The following ZBTB16 variants were observed in gnomAD, a reference collection of about 807,000 sequenced individuals.
The protein encoded by ZBTB16 is zinc finger and BTB domain-containing protein 16.
A neutral mutation model predicts 56.8 loss-of-function variants in ZBTB16; 8 were observed. The ratio of observed to expected loss-of-function variants is 0.14; its 90% CI spans 0.08 to 0.25. The LOEUF is 0.25. Ranked by LOEUF, ZBTB16 falls within the 10% of genes least tolerant of loss-of-function variation. ZBTB16 has a pLI of 1.00. For missense variants in ZBTB16, 625 were observed against 903.0 expected (o/e 0.69, Z 3.95); for synonymous variants, 363 against 368.5 (o/e 0.98, Z 0.17).
At chr11:114,104,829 C>T (rs1340580744) in intron 2 of ZBTB16, among the ~76,000 whole-genome samples, 1 of 152,162 alleles carries the variant, frequency 6.6e-6, no homozygotes, top group African/African-American at 2.4e-5. Flanking sequence ...CCAAAGAGAA[C>T]GGTGGTGTCT....
intron 3 of ZBTB16, among the ~76,000 whole-genome samples, chr11:114,182,346 G>T (rs138852344): frequency 6.6e-6 from 1 of 152,104 alleles, no homozygotes; most frequent in Non-Finnish European, 1.5e-5. Context: ...CATTGTGTCC[G>T]GCCCTCTTCA....
intron 4 of ZBTB16, among the ~76,000 whole-genome samples, chr11:114,212,599 G>A (rs1003118433): frequency 1.3e-5 from 2 of 152,244 alleles, no homozygotes; most frequent in Admixed American, 1.3e-4. Context: ...TGCGGAGTCA[G>A]GCACTGGGCT....
chr11:114,216,976 G>A (rs1172327008), intron 4 of ZBTB16, among the ~76,000 whole-genome samples: 1 of 152,198 alleles, frequency 6.6e-6, no homozygotes, highest in Non-Finnish European at 1.5e-5. Flanking sequence ...GTAGCCCAGA[G>A]GAAGGGTGCT....
intron 2 of ZBTB16, among the ~76,000 whole-genome samples, chr11:114,123,760 G>A (rs924876230): frequency 3.0e-4 from 45 of 152,094 alleles, no homozygotes; most frequent in Admixed American, 2.6e-4. Context: ...TGTTCCAAAG[G>A]AATTAAGTCA....
chr11:114,105,227 T>C (rs928884467), intron 2 of ZBTB16, among the ~76,000 whole-genome samples: 10 of 149,430 alleles, frequency 6.7e-5, no homozygotes, highest in African/African-American at 1.0e-4. Context: ...GAATTAATTC[T>C]GTCTCTCTCT....
chr11:114,215,133 G>A (rs189182967), intron 4 of ZBTB16, among the ~76,000 whole-genome samples: 1 of 152,280 alleles, frequency 6.6e-6, no homozygotes, highest in African/African-American at 2.4e-5. Context: ...CCCTTAATGA[G>A]TGCTATAAAA....
intron 2 of ZBTB16, among the ~76,000 whole-genome samples, chr11:114,102,738 T>C (rs529525404): frequency 6.5e-4 from 99 of 152,124 alleles, no homozygotes; most frequent in Non-Finnish European, 1.2e-3. Flanking sequence ...TAATTATTTA[T>C]TGGGTGCCTG....
At chr11:114,092,166 A>G (rs1204423227) in intron 2 of ZBTB16, among the ~76,000 whole-genome samples, 1 of 152,136 alleles carries the variant, frequency 6.6e-6, no homozygotes, top group Non-Finnish European at 1.5e-5. Flanking sequence ...GAAACAGGAG[A>G]CCCGAGAGGC....
chr11:114,132,018 C>T lies in ZBTB16; in HGVS notation c.1269-24319C>T, dbSNP rs570916416. Among the ~76,000 whole-genome samples, 16 of 151,716 alleles carry T rather than the reference C, an allele frequency of 1.1e-4. No homozygotes were observed. In the East Asian group the frequency reaches 1.2e-3, roughly 11 times the overall value. On this transcript the variant is annotated intron_variant, in intron 2 of 6. Coordinates refer to ENST00000335953, the MANE Select transcript of ZBTB16 (RefSeq NM_006006.6). ...AACTGGGTGTGTGTGAAAGGGGGAG[C>T]GGCGGAAGTTAGGAAGACTGAAGGA... is the stretch of plus-strand genomic sequence containing the variant.
intron 4 of ZBTB16, among the ~76,000 whole-genome samples, chr11:114,228,054 A>T (rs1209548300): frequency 6.6e-6 from 1 of 152,048 alleles, no homozygotes; most frequent in Non-Finnish European, 1.5e-5. Context: ...GGGATTCTTA[A>T]CTTTTTTGTG....
At chr11:114,223,324 G>A (rs1033950159) in intron 4 of ZBTB16, among the ~76,000 whole-genome samples, 2 of 152,148 alleles carry the variant, frequency 1.3e-5, no homozygotes, top group African/African-American at 4.8e-5. Flanking sequence ...ACAATCGCAC[G>A]TATTAAAAGA....
chr11:114,156,497 C>T (rs1020017730), intron 3 of ZBTB16, 63 bp downstream of exon 3: 20 of 1,510,860 alleles, frequency 1.3e-5, no homozygotes, highest in Non-Finnish European at 1.7e-5. Context: ...TTGCCTTTAC[C>T]CCTCCTCAGA....
At chr11:114,173,532 A>G (rs920342092) in intron 3 of ZBTB16, among the ~76,000 whole-genome samples, 1 of 152,202 alleles carries the variant, frequency 6.6e-6, no homozygotes, top group African/African-American at 2.4e-5. Context: ...ACAACTCTGG[A>G]GTCTCTAGGA....
At chr11:114,235,241 C>T (rs920048828) in intron 4 of ZBTB16, among the ~76,000 whole-genome samples, 4 of 152,174 alleles carry the variant, frequency 2.6e-5, no homozygotes, top group African/African-American at 9.7e-5. Context: ...CGAGCACACA[C>T]GGGCATGCAC....
At chr11:114,123,423 C>T (rs1941399226) in intron 2 of ZBTB16, among the ~76,000 whole-genome samples, 1 of 152,120 alleles carries the variant, frequency 6.6e-6, no homozygotes, top group South Asian at 2.1e-4. Flanking sequence ...AAACACATTG[C>T]ACTTGGGGTG....
intron 2 of ZBTB16, among the ~76,000 whole-genome samples, chr11:114,116,442 T>C (rs1056288486): frequency 6.6e-6 from 1 of 152,204 alleles, no homozygotes; most frequent in African/African-American, 2.4e-5. Flanking sequence ...TGACCTTCTG[T>C]AACCCTCAGC....
chr11:114,146,660 A>G (rs1216894677), intron 2 of ZBTB16, among the ~76,000 whole-genome samples: 1 of 152,018 alleles, frequency 6.6e-6, no homozygotes, highest in Non-Finnish European at 1.5e-5. Flanking sequence ...AGCCTGGCCA[A>G]TGCGGTGAAA....
At chr11:114,141,523 T>C (rs1941944707) in intron 2 of ZBTB16, among the ~76,000 whole-genome samples, 1 of 152,234 alleles carries the variant, frequency 6.6e-6, no homozygotes, top group Non-Finnish European at 1.5e-5. Context: ...ATAAAGACAT[T>C]ATGTTCTCAG....
intron 6 of ZBTB16, among the ~76,000 whole-genome samples, chr11:114,249,267 C>T (rs1449469117): frequency 3.3e-5 from 5 of 151,226 alleles, no homozygotes; most frequent in Middle Eastern, 3.2e-3. Context: ...AAGTCCAGCC[C>T]GGCCAACATG....
Sources: gnomAD v4.1 joint callset for allele counts (sites outside exome capture counted in the v4.1 genomes callset) on GRCh38, gnomAD v4.1.1 for gene constraint, MANE v1.5 for transcripts, NCBI Gene and HGNC (gene_info 2026-07-23, HGNC 2026-07-21) for gene names.